The following SMAP1 variants were observed in gnomAD, a reference collection of about 807,000 sequenced individuals.
SMAP1 encodes small ArfGAP 1, also known as stromal membrane-associated protein 1.
Under a neutral mutation model 58.5 loss-of-function variants are expected in SMAP1, and 24 were observed. The ratio of observed to expected loss-of-function variants is 0.41; its 90% CI spans 0.30 to 0.58. SMAP1 has a LOEUF of 0.58. Ranked by LOEUF, SMAP1 falls within the 20% of genes least tolerant of loss-of-function variation. The probability of loss-of-function intolerance (pLI) is 0.29; values close to 1 mark genes in which losing one functional copy is unlikely to be tolerated. For synonymous variants in SMAP1, 216 were observed against 196.6 expected (o/e 1.10, Z -0.82); for missense variants, 563 against 566.3 (o/e 0.99, Z 0.06).
chr6:70,721,182 A>G (rs1295718395), intron 1 of SMAP1, among the ~76,000 whole-genome samples: 1 of 152,102 alleles, frequency 6.6e-6, no homozygotes, highest in African/African-American at 2.4e-5. Context: ...CCAAACTTTT[A>G]TGCTCTGCTT....
intron 6 of SMAP1, among the ~76,000 whole-genome samples, chr6:70,816,153 TAGG>T (rs1769620321): frequency 1.3e-5 from 2 of 152,190 alleles, no homozygotes; most frequent in East Asian, 1.9e-4. Context: ...GAAACATTGT[TAGG>T]AGGAGAGAGC....
intron 8 of SMAP1, among the ~76,000 whole-genome samples, chr6:70,853,976 T>C (rs1771286302): frequency 2.0e-5 from 3 of 152,220 alleles, no homozygotes; most frequent in Admixed American, 2.0e-4. Context: ...TTGCAACTGC[T>C]TAAGAGAGTT....
At chr6:70,720,941 GA>G (rs1214821544) in intron 1 of SMAP1, among the ~76,000 whole-genome samples, 6 of 152,188 alleles carry the variant, frequency 3.9e-5, no homozygotes, top group Non-Finnish European at 8.8e-5. Flanking sequence ...TGGTCACGGG[GA>G]TTAATATCTT....
chr6:70,753,252 G>A (rs1464357994), intron 2 of SMAP1, among the ~76,000 whole-genome samples: 3 of 152,072 alleles, frequency 2.0e-5, no homozygotes, highest in Non-Finnish European at 4.4e-5. Context: ...AAATGTAAAC[G>A]AGGATTGATG....
chr6:70,720,535 C>T (rs1008143196), intron 1 of SMAP1, among the ~76,000 whole-genome samples: 1 of 152,204 alleles, frequency 6.6e-6, no homozygotes, highest in African/African-American at 2.4e-5. Context: ...GGCTCTGACC[C>T]CACATTTCCC....
intron 6 of SMAP1, among the ~76,000 whole-genome samples, chr6:70,832,984 C>A (rs1424381250): frequency 6.6e-6 from 1 of 152,082 alleles, no homozygotes; most frequent in African/African-American, 2.4e-5. Context: ...GTACTTACTT[C>A]CTGTCGTTTT....
intron 3 of SMAP1, among the ~76,000 whole-genome samples, chr6:70,769,779 A>G (rs1767188020): frequency 6.6e-6 from 1 of 152,138 alleles, no homozygotes; most frequent in East Asian, 1.9e-4. Context: ...TTATGTGTGA[A>G]TTTGATCCTG....
At chr6:70,685,482 A>G (rs975831755) in intron 1 of SMAP1, among the ~76,000 whole-genome samples, 2 of 152,174 alleles carry the variant, frequency 1.3e-5, no homozygotes, top group Non-Finnish European at 2.9e-5. Flanking sequence ...AAAAATCACC[A>G]AGAATGGGGG....
intron 4 of SMAP1, among the ~76,000 whole-genome samples, chr6:70,785,055 A>G (rs1239293548): frequency 6.6e-6 from 1 of 152,226 alleles, no homozygotes. Context: ...AGTTGGAAGT[A>G]AAGGTCTCCT....
rs532501311 is a variant in SMAP1, at chr6:70,809,779, A to T, written c.576+11042A>T. Among the ~76,000 whole-genome samples, 8 of 152,336 alleles carry T rather than the reference A, an allele frequency of 5.3e-5. No individual in the cohort carries two copies. In the East Asian group the frequency reaches 1.5e-3, roughly 29 times the overall value. On this transcript the variant is annotated intron_variant, in intron 6 of 10. Transcript: ENST00000370455. Reference sequence around the variant, plus strand: ...ACATTTGTATAAGTAGTTTTGGAAGATTCTTTATATTTTCCTCAAATCTTT... The same window carrying T: ...ACATTTGTATAAGTAGTTTTGGAAGTTTCTTTATATTTTCCTCAAATCTTT...
intron 7 of SMAP1, among the ~76,000 whole-genome samples, chr6:70,850,298 TCA>T (rs1358485892): frequency 1.3e-5 from 2 of 152,154 alleles, no homozygotes; most frequent in African/African-American, 2.4e-5. Context: ...TAGTATTTTC[TCA>T]GTTTGCCAAA....
At chr6:70,747,642 A>G (rs1276522014) in intron 2 of SMAP1, among the ~76,000 whole-genome samples, 2 of 152,202 alleles carry the variant, frequency 1.3e-5, no homozygotes, top group African/African-American at 2.4e-5. Flanking sequence ...GGGAGAGTCC[A>G]GGATGATTCC....
chr6:70,716,730 AT>A (rs776161382), intron 1 of SMAP1, among the ~76,000 whole-genome samples: 1 of 151,954 alleles, frequency 6.6e-6, no homozygotes, highest in Non-Finnish European at 1.5e-5. Flanking sequence ...CTTTCAAAAT[AT>A]GTTCTGTCAC....
intron 4 of SMAP1, among the ~76,000 whole-genome samples, chr6:70,788,843 G>A (rs17763641): frequency 0.055 from 8,316 of 152,242 alleles, 316 homozygotes; most frequent in Non-Finnish European, 0.082. Flanking sequence ...CTTCTAAGCA[G>A]TGATATGTGG....
intron 4 of SMAP1, among the ~76,000 whole-genome samples, chr6:70,791,310 A>T (rs1360112299): frequency 6.6e-6 from 1 of 152,148 alleles, no homozygotes; most frequent in African/African-American, 2.4e-5. Flanking sequence ...CTCTTCTACT[A>T]CTTGGGACAG....
At chr6:70,857,869 G>A in intron 9 of SMAP1, 53 bp from the exon 10 acceptor site, 1 of 1,576,188 alleles carries the variant, frequency 6.3e-7, no homozygotes, top group Non-Finnish European at 8.6e-7. Context: ...ATAGAGATGA[G>A]TGCAACTACA....
At chr6:70,703,764 C>G (rs141125711) in intron 1 of SMAP1, among the ~76,000 whole-genome samples, 3 of 152,312 alleles carry the variant, frequency 2.0e-5, no homozygotes, top group Admixed American at 1.3e-4. Context: ...GTGCATCTCT[C>G]TCCTCTTGTA....
intron 6 of SMAP1, among the ~76,000 whole-genome samples, chr6:70,833,236 T>C (rs1472070555): frequency 6.6e-6 from 1 of 152,210 alleles, no homozygotes; most frequent in Non-Finnish European, 1.5e-5. Flanking sequence ...TAATTTCTTA[T>C]GTTTACAATT....
chr6:70,686,947 C>T (rs1766960295), intron 1 of SMAP1, among the ~76,000 whole-genome samples: 1 of 152,098 alleles, frequency 6.6e-6, no homozygotes, highest in Admixed American at 6.6e-5. Context: ...AAATATTGAC[C>T]TAATATACTG....
Sources: allele counts gnomAD v4.1 joint callset (sites outside exome capture counted in the v4.1 genomes callset), GRCh38; gene constraint gnomAD v4.1.1; transcripts MANE v1.5; gene names NCBI Gene and HGNC (gene_info 2026-07-23, HGNC 2026-07-21).